ADA2: variants seen among roughly 807,000 people sequenced by gnomAD.
ADA2 encodes the protein adenosine deaminase 2.
Under a neutral mutation model 44.2 loss-of-function variants are expected in ADA2, and 29 were observed. The ratio of observed to expected loss-of-function variants is 0.66; its 90% CI spans 0.49 to 0.89. The LOEUF (loss-of-function observed/expected upper bound fraction) is 0.89, where lower values mean the gene tolerates loss of function less well. Ranked by LOEUF, ADA2 falls within the 40% of genes least tolerant of loss-of-function variation. ADA2 has a pLI of 0.00. For missense variants in ADA2, 637 were observed against 644.8 expected (o/e 0.99, Z 0.13); for synonymous variants, 215 against 234.9 (o/e 0.92, Z 0.77).
intron 4 of ADA2, among the ~76,000 whole-genome samples, chr22:17,196,618 G>A (rs765321574): frequency 6.6e-6 from 1 of 152,042 alleles, no homozygotes; most frequent in African/African-American, 2.4e-5. Context: ...CAGCTAGATT[G>A]GAGGCTCCTC....
chr22:17,208,223 A>ACT (rs1485772714), intron 2 of ADA2, among the ~76,000 whole-genome samples: 6 of 151,304 alleles, frequency 4.0e-5, no homozygotes, highest in African/African-American at 1.5e-4. Flanking sequence ...CAGGAGTTCG[A>ACT]GACCAGCCTG....
chr22:17,214,485 G>A (rs551151919), intron 1 of ADA2, among the ~76,000 whole-genome samples: 6 of 152,340 alleles, frequency 3.9e-5, no homozygotes, highest in East Asian at 1.9e-4. Flanking sequence ...TGCATCTAAC[G>A]CTCTGAGGCC....
chr22:17,199,730 C>T, intron 4 of ADA2: 2 of 1,497,532 alleles, frequency 1.3e-6, no homozygotes, highest in African/African-American at 1.4e-5. Flanking sequence ...CCCCTTACTA[C>T]CTATTTGACC....
chr22:17,193,433 G>A (rs2062149221), intron 4 of ADA2: 7 of 370,202 alleles, frequency 1.9e-5, no homozygotes, highest in East Asian at 1.2e-4. Context: ...TTGGGCGGTC[G>A]AGGTGGGTGG....
intron 8 of ADA2, 90 bp downstream of exon 8, chr22:17,182,514 G>A: frequency 7.8e-7 from 1 of 1,274,678 alleles, no homozygotes; most frequent in Non-Finnish European, 1.1e-6. Context: ...GAGAGTTAAG[G>A]AGAGATAAGT....
chr22:17,209,310 C>T, intron 2 of ADA2, 46 bp downstream of exon 2: 1 of 1,499,586 alleles, frequency 6.7e-7, no homozygotes, highest in Non-Finnish European at 9.2e-7. Context: ...CAAGATGAGT[C>T]CCTCTACCTT....
At chr22:17,213,903 G>T in intron 1 of ADA2, 2 of 312,884 alleles carry the variant, frequency 6.4e-6, no homozygotes, top group South Asian at 2.8e-5. Flanking sequence ...GCTGGGCGTG[G>T]TGGTGTGTGC....
chr22:17,202,721 T>G (rs2062304647), intron 4 of ADA2, among the ~76,000 whole-genome samples: 1 of 152,150 alleles, frequency 6.6e-6, no homozygotes, highest in South Asian at 2.1e-4. Context: ...CAGCCAAACC[T>G]GGCTCCAATT....
At chr22:17,209,936 G>C in intron 1 of ADA2, 1 of 440,808 alleles carries the variant, frequency 2.3e-6, no homozygotes, top group Non-Finnish European at 4.0e-6. Flanking sequence ...TGCTGCCCAG[G>C]CTGGAGCACG....
intron 4 of ADA2, chr22:17,199,811 G>A: frequency 7.4e-7 from 1 of 1,342,986 alleles, no homozygotes; most frequent in Non-Finnish European, 9.7e-7. Context: ...GCTGGGCATG[G>A]CTCGCGTCTG....
chr22:17,182,670 G>A lies in ADA2; in HGVS notation c.1173C>T (p.His391=). The stretch of plus-strand genomic sequence containing the variant: ...TCCAGGAGTAAGTCCTGACTGCGGG[G>A]TGTTTGCTCAAAGCAAATCCATGGC... ...RIGHGFALSK[H]PAVRTYSWKK... The change falls in exon 8 of 10, where the codon CAC becomes CAT. Residue 391 remains histidine, a synonymous_variant. Coordinates refer to ENST00000399837, the MANE Select transcript of ADA2 (RefSeq NM_001282225.2). 2 of 1,614,100 alleles carry A rather than the reference G, an allele frequency of 1.2e-6. No individual in the cohort carries two copies. Among genetic ancestry groups the A allele is most frequent in the Non-Finnish European group, 1.7e-6 (2 of 1,180,028 alleles).
intron 1 of ADA2, among the ~76,000 whole-genome samples, chr22:17,212,034 T>C (rs1201912042): frequency 6.6e-6 from 1 of 152,100 alleles, no homozygotes; most frequent in Admixed American, 6.6e-5. Flanking sequence ...TTTTCTTTTC[T>C]TTTGTGGGGG....
At chr22:17,197,766 C>A (rs755204632) in intron 4 of ADA2, among the ~76,000 whole-genome samples, 1 of 152,144 alleles carries the variant, frequency 6.6e-6, no homozygotes, top group Non-Finnish European at 1.5e-5. Context: ...AGGCTGAGCA[C>A]GGTGGCTCAC....
chr22:17,183,456 CTT>C lies in ADA2; in HGVS notation c.1082-697_1082-696del, dbSNP rs1227906560. On this transcript the variant is annotated intron_variant, in intron 7 of 9. Coordinates refer to ENST00000399837, the MANE Select transcript of ADA2 (RefSeq NM_001282225.2). ...TTCCTTCTTCCTCTTTTGTGGCACT[CTT>C]TTTTTTTTTTTTTTTTTTTTGAGAC... 2.8e-4 allele frequency among the ~76,000 whole-genome samples: 22 copies of C among 77,456 alleles called. No homozygotes were observed. The South Asian group carries it at 4.6e-3, about 16-fold the overall frequency. 50.8% of individuals were successfully genotyped at this position (77,456 alleles called of 152,430 possible). A position where few individuals can be genotyped will look rare whatever the true frequency, so the allele number is the denominator to read the frequency against.
rs373757423 is a variant in ADA2 at position 17,194,576 on chromosome 22, G to T, written c.754-2766C>A. ...TGGTCTTTGCTCTTCTGTTTCCTCT[G>T]CTGCCCCCATGAAGCCTGGCACGTC... On this transcript the variant is annotated intron_variant, in intron 4 of 9. Coordinates refer to ENST00000399837, the MANE Select transcript of ADA2 (RefSeq NM_001282225.2). 2.0e-5 allele frequency among the ~76,000 whole-genome samples: 3 copies of T among 152,064 alleles called. No individual in the cohort carries two copies. In the East Asian group the frequency reaches 5.8e-4, roughly 29 times the overall value.
intron 4 of ADA2, among the ~76,000 whole-genome samples, chr22:17,195,528 C>CA (rs35361793): frequency 0.53 from 79,120 of 149,302 alleles, 21,472 homozygotes; most frequent in East Asian, 0.83. Context: ...GACTCCGTCT[C>CA]AAAAAAAAAC....
At position 17,203,545 on chromosome 22, in the gene ADA2, G is replaced by A. The variant is rs180737376; in HGVS notation, c.753+18C>T. 4 of 1,600,096 alleles carry A rather than the reference G, an allele frequency of 2.5e-6. No individual in the cohort carries two copies. The East Asian group carries it at 6.7e-5, about 27-fold the overall frequency. On this transcript the variant is annotated intron_variant, in intron 4 of 9. Coordinates refer to ENST00000399837, the MANE Select transcript of ADA2 (RefSeq NM_001282225.2). The stretch of plus-strand genomic sequence containing the variant: ...GAGCAAAGGAGGTGGGAGGAACAGA[G>A]AGGAGAGCTGGGCTCACCGGCAGCA...
intron 3 of ADA2, among the ~76,000 whole-genome samples, chr22:17,205,023 T>G (rs2062338389): frequency 6.6e-6 from 1 of 151,616 alleles, no homozygotes. Flanking sequence ...CTTTCTTTCT[T>G]TCTTTTTTTT....
chr22:17,203,550 G>C lies in ADA2; in HGVS notation c.753+13C>G, dbSNP rs1289416162. On this transcript the variant is annotated intron_variant, in intron 4 of 9. Coordinates refer to ENST00000399837, the MANE Select transcript of ADA2 (RefSeq NM_001282225.2). ...AAGGAGGTGGGAGGAACAGAGAGGA[G>C]AGCTGGGCTCACCGGCAGCAGCCTG... The C allele has an allele frequency of 1.2e-6, 2 of 1,605,800 alleles. No homozygotes were observed. The highest frequency in any genetic ancestry group is 1.7e-6 in the Non-Finnish European group (2 of 1,174,320).
Sources: allele counts gnomAD v4.1 joint callset (sites outside exome capture counted in the v4.1 genomes callset), GRCh38; gene constraint gnomAD v4.1.1; transcripts MANE v1.5; gene names NCBI Gene and HGNC (gene_info 2026-07-23, HGNC 2026-07-21).